CUX2: variants seen among roughly 807,000 people sequenced by gnomAD.
The protein encoded by CUX2 is cut like homeobox 2.
CUX2 carries 40 observed loss-of-function variants against 144.8 expected under a neutral mutation model. The observed-to-expected ratio is 0.28, with a 90% CI of 0.21 to 0.36. CUX2 has a LOEUF of 0.36. CUX2 is among the 10% of genes least tolerant of loss of function. The pLI, the probability that CUX2 is intolerant of heterozygous loss-of-function variation, is 1.00. For missense variants in CUX2, 1,615 were observed against 1,994.0 expected (o/e 0.81, Z 3.62); for synonymous variants, 827 against 875.6 (o/e 0.94, Z 0.98).
chr12:111,205,814 C>A (rs1277248174), intron 1 of CUX2, among the ~76,000 whole-genome samples: 1 of 152,222 alleles, frequency 6.6e-6, no homozygotes, highest in Non-Finnish European at 1.5e-5. Flanking sequence ...AACCATGTCA[C>A]TGTTTCCCAG....
intron 1 of CUX2, among the ~76,000 whole-genome samples, chr12:111,200,987 G>A (rs1360576401): frequency 6.6e-6 from 1 of 152,130 alleles, no homozygotes; most frequent in Non-Finnish European, 1.5e-5. Context: ...AACAATAGTG[G>A]GGCAGGGGGA....
rs539383991 is a variant in CUX2 at position 111,300,281 on chromosome 12, C to T, written c.753+1692C>T. ...GACTACAGGCACGCACCACCACATC[C>T]GGCTAATTTTCATATGTTTTGTAGA... On this transcript the variant is annotated intron_variant, in intron 9 of 21. Coordinates refer to ENST00000261726, the MANE Select transcript of CUX2 (RefSeq NM_015267.4). Among the ~76,000 whole-genome samples, 227 of 152,192 alleles carry T rather than the reference C, an allele frequency of 1.5e-3. 2 individuals carry two copies. The highest frequency in any genetic ancestry group is 2.6e-3 in the Non-Finnish European group (177 of 68,014).
In CUX2 at chr12:111,148,080, A is replaced by G. The variant is rs113342416; in HGVS notation, c.64-66120A>G. On this transcript the variant is annotated intron_variant, in intron 1 of 21. Transcript: ENST00000261726. ...AAAATTGGAAAGCAGGGACTCAGCC[A>G]TGCTCACAGCAGCATTTTTCACAAG... 9.9e-3 allele frequency among the ~76,000 whole-genome samples: 1,505 copies of G among 152,336 alleles called. 30 individuals are homozygous for G. Among genetic ancestry groups the G allele is most frequent in the African/African-American group, 0.035 (1,446 of 41,564 alleles).
chr12:111,232,888 G>T (rs1159351907), intron 3 of CUX2, among the ~76,000 whole-genome samples: 2 of 152,276 alleles, frequency 1.3e-5, no homozygotes, highest in African/African-American at 4.8e-5. Context: ...GTCCCTCACA[G>T]AGCTGACCCT....
chr12:111,150,971 C>A (rs948898395), intron 1 of CUX2, among the ~76,000 whole-genome samples: 1 of 152,160 alleles, frequency 6.6e-6, no homozygotes, highest in Non-Finnish European at 1.5e-5. Context: ...GCATCTCAAA[C>A]GTTTTAAAGT....
chr12:111,044,605 T>G (rs1202699406), intron 1 of CUX2, among the ~76,000 whole-genome samples: 1 of 152,240 alleles, frequency 6.6e-6, no homozygotes, highest in African/African-American at 2.4e-5. Context: ...CTCTCCTCAC[T>G]CTGCCTCACC....
intron 4 of CUX2, among the ~76,000 whole-genome samples, chr12:111,268,458 C>T (rs765779754): frequency 7.2e-5 from 11 of 152,316 alleles, no homozygotes; most frequent in Non-Finnish European, 1.2e-4. Context: ...CCTTTTGGGG[C>T]GGACGTTCAG....
chr12:111,328,099 T>C (rs1458038352), intron 18 of CUX2, among the ~76,000 whole-genome samples: 2 of 151,802 alleles, frequency 1.3e-5, no homozygotes, highest in Non-Finnish European at 2.9e-5. Context: ...GGCCTGGAGG[T>C]GGCTACTGTA....
intron 1 of CUX2, among the ~76,000 whole-genome samples, chr12:111,162,861 C>A (rs1008103631): frequency 1.6e-4 from 24 of 152,242 alleles, no homozygotes; most frequent in African/African-American, 5.8e-4. Flanking sequence ...GCCTGGCCAA[C>A]ATGGTGAAAC....
intron 1 of CUX2, among the ~76,000 whole-genome samples, chr12:111,062,255 A>G (rs552079682): frequency 2.0e-5 from 3 of 151,870 alleles, no homozygotes; most frequent in African/African-American, 4.8e-5. Flanking sequence ...GATGTGTATC[A>G]TACACTCACA....
intron 3 of CUX2, among the ~76,000 whole-genome samples, chr12:111,236,938 C>T (rs778496299): frequency 6.6e-6 from 1 of 152,144 alleles, no homozygotes; most frequent in Non-Finnish European, 1.5e-5. Context: ...CACTTGAGTC[C>T]AGGAGTTTGA....
intron 1 of CUX2, among the ~76,000 whole-genome samples, chr12:111,075,004 TC>T (rs1871447239): frequency 6.6e-6 from 1 of 152,188 alleles, no homozygotes; most frequent in Admixed American, 6.5e-5. Flanking sequence ...GGTTCATTCA[TC>T]CAGTCCCCCA....
At chr12:111,120,486 T>A (rs1334295444) in intron 1 of CUX2, among the ~76,000 whole-genome samples, 1 of 152,058 alleles carries the variant, frequency 6.6e-6, no homozygotes, top group Non-Finnish European at 1.5e-5. Context: ...CCGTGTTGGC[T>A]CCCAGGCCCC....
chr12:111,044,037 C>A (rs977942587), intron 1 of CUX2, among the ~76,000 whole-genome samples: 1 of 152,216 alleles, frequency 6.6e-6, no homozygotes, highest in Non-Finnish European at 1.5e-5. Context: ...TCTGCTAACT[C>A]CATGGTAGTC....
chr12:111,332,424 C>G (rs2136430391), intron 18 of CUX2, among the ~76,000 whole-genome samples: 1 of 152,194 alleles, frequency 6.6e-6, no homozygotes, highest in South Asian at 2.1e-4. Context: ...TGAGCCACTG[C>G]ACCCGGCCCC....
intron 9 of CUX2, among the ~76,000 whole-genome samples, chr12:111,298,855 G>C (rs1294836214): frequency 6.6e-6 from 1 of 152,120 alleles, no homozygotes; most frequent in Non-Finnish European, 1.5e-5. Context: ...GCAGCAACAG[G>C]CAGGAAGGGG....
chr12:111,199,287 A>T (rs1880429575), intron 1 of CUX2, among the ~76,000 whole-genome samples: 1 of 152,208 alleles, frequency 6.6e-6, no homozygotes, highest in African/African-American at 2.4e-5. Context: ...AAGAGCAGCA[A>T]GCAGGATTCG....
chr12:111,341,815 G>T lies in CUX2; in HGVS notation c.3421G>T (p.Gly1141Cys), dbSNP rs200121526. ...LKRRYGLIST[G>C]SDSESPATRS... ...ACGTCGCTATGGCCTCATCAGCACCGGCTCAGACAGTGAGTCCCCGGCCAC... is the reference window on the plus strand; with the variant it reads ...ACGTCGCTATGGCCTCATCAGCACCTGCTCAGACAGTGAGTCCCCGGCCAC... The change falls in exon 21 of 22, where the codon GGC (glycine) becomes TGC (cysteine). Residue 1141 changes from glycine to cysteine, a missense_variant. This residue lies in a region of CUX2 where 131 missense variants were observed against 223.1 expected (regional missense o/e 0.59). Transcript: ENST00000261726. 1 of 1,611,312 alleles carries T rather than the reference G, an allele frequency of 6.2e-7. No homozygotes were observed. Among genetic ancestry groups the T allele is most frequent in the Non-Finnish European group, 8.5e-7 (1 of 1,179,554 alleles).
At chr12:111,211,307 T>G (rs1258656196) in intron 1 of CUX2, among the ~76,000 whole-genome samples, 1 of 152,122 alleles carries the variant, frequency 6.6e-6, no homozygotes, top group Non-Finnish European at 1.5e-5. Context: ...GTGAGGGGAC[T>G]GGTGATATCC....
Sources: allele counts gnomAD v4.1 joint callset (sites outside exome capture counted in the v4.1 genomes callset), GRCh38; gene constraint gnomAD v4.1.1; regional missense constraint gnomAD v4.1.1; transcripts MANE v1.5; gene names NCBI Gene and HGNC (gene_info 2026-07-23, HGNC 2026-07-21).